TENM3: variants seen among roughly 807,000 people sequenced by gnomAD.
TENM3 encodes the protein teneurin transmembrane protein 3.
TENM3 carries 63 observed loss-of-function variants against 255.1 expected under a neutral mutation model. The observed-to-expected ratio is 0.25, with a 90% CI of 0.20 to 0.30. The LOEUF (loss-of-function observed/expected upper bound fraction) is 0.30, where lower values mean the gene tolerates loss of function less well. TENM3 is among the 10% of genes least tolerant of loss of function. The pLI, the probability that TENM3 is intolerant of heterozygous loss-of-function variation, is 1.00. For synonymous variants in TENM3, 1,306 were observed against 1,322.3 expected (o/e 0.99, Z 0.27); for missense variants, 2,929 against 3,461.1 (o/e 0.85, Z 3.86).
the TENM3 span, among the ~76,000 whole-genome samples, chr4:181,964,991 C>CA: frequency 6.6e-6 from 1 of 152,066 alleles, no homozygotes; most frequent in Admixed American, 6.6e-5. Flanking sequence ...GAAACAGGAA[C>CA]AATGGTTCAG....
chr4:182,172,121 T>G (rs1186304703), intron 1 of TENM3, among the ~76,000 whole-genome samples: 2 of 152,164 alleles, frequency 1.3e-5, no homozygotes, highest in African/African-American at 4.8e-5. Flanking sequence ...TAGCTCTCTG[T>G]GAAATGTCTG....
the TENM3 span, among the ~76,000 whole-genome samples, chr4:182,051,258 G>C: frequency 4.3e-4 from 65 of 151,584 alleles, no homozygotes; most frequent in East Asian, 4.2e-3. Flanking sequence ...CAGGAGAATC[G>C]CTTGAAACTG....
chr4:182,126,549 C>T, the TENM3 span, among the ~76,000 whole-genome samples: 1 of 152,208 alleles, frequency 6.6e-6, no homozygotes, highest in African/African-American at 2.4e-5. Flanking sequence ...TGAAGCAAAA[C>T]ATCTTCAATC....
At chr4:182,614,462 G>A (rs1749288292) in intron 4 of TENM3, among the ~76,000 whole-genome samples, 2 of 152,162 alleles carry the variant, frequency 1.3e-5, no homozygotes, top group South Asian at 4.1e-4. Flanking sequence ...GAAAAATAAT[G>A]AATTTTAGTT....
At chr4:182,156,265 C>T (rs2149600815) in intron 1 of TENM3, among the ~76,000 whole-genome samples, 1 of 152,290 alleles carries the variant, frequency 6.6e-6, no homozygotes, top group South Asian at 2.1e-4. Flanking sequence ...AACAATTTCT[C>T]CAGAACAAGT....
the TENM3 span, among the ~76,000 whole-genome samples, chr4:181,734,960 C>G: frequency 5.6e-4 from 85 of 152,176 alleles, no homozygotes; most frequent in Non-Finnish European, 8.7e-4. Context: ...TAAACACTCT[C>G]AATGTTCTTT....
At chr4:182,790,680 A>C (rs1174624862) in intron 25 of TENM3, among the ~76,000 whole-genome samples, 2 of 152,204 alleles carry the variant, frequency 1.3e-5, no homozygotes, top group Non-Finnish European at 2.9e-5. Flanking sequence ...GTTAGATGAC[A>C]AGCCCCTAAC....
chr4:181,590,217 T>C, the TENM3 span, among the ~76,000 whole-genome samples: 26 of 152,166 alleles, frequency 1.7e-4, no homozygotes, highest in African/African-American at 5.8e-4. Context: ...GAGAAGGTTG[T>C]ACCACTCCAT....
chr4:182,026,427 TGATA>T, the TENM3 span, among the ~76,000 whole-genome samples: 1 of 152,218 alleles, frequency 6.6e-6, no homozygotes, highest in Non-Finnish European at 1.5e-5. Context: ...TTCACTTTAT[TGATA>T]GTTTCCTTTG....
At chr4:181,997,286 G>C in the TENM3 span, among the ~76,000 whole-genome samples, 9 of 152,012 alleles carry the variant, frequency 5.9e-5, no homozygotes, top group African/African-American at 1.2e-4. Context: ...TTTGTAATTC[G>C]GTCCTCAGTA....
chr4:181,594,479 C>G, the TENM3 span, among the ~76,000 whole-genome samples: 1 of 152,102 alleles, frequency 6.6e-6, no homozygotes, highest in African/African-American at 2.4e-5. Context: ...TCTAGGTGTT[C>G]CAAACAAAAC....
the TENM3 span, among the ~76,000 whole-genome samples, chr4:181,824,242 C>T: frequency 6.6e-6 from 1 of 151,124 alleles, no homozygotes; most frequent in African/African-American, 2.4e-5. Flanking sequence ...GCTGAAACTA[C>T]AGGTGTGCAC....
the TENM3 span, among the ~76,000 whole-genome samples, chr4:181,902,929 T>C: frequency 1.3e-5 from 2 of 152,200 alleles, no homozygotes; most frequent in African/African-American, 4.8e-5. Context: ...GTAGCATTCG[T>C]TGTAGAATAT....
the TENM3 span, among the ~76,000 whole-genome samples, chr4:181,813,670 A>G: frequency 6.6e-6 from 1 of 152,194 alleles, no homozygotes; most frequent in African/African-American, 2.4e-5. Context: ...TATTAACCAC[A>G]TTTTCAATGA....
intron 3 of TENM3, among the ~76,000 whole-genome samples, chr4:182,495,135 A>T (rs1653605769): frequency 6.6e-6 from 1 of 152,216 alleles, no homozygotes; most frequent in Admixed American, 6.5e-5. Flanking sequence ...CCTTTAAGAC[A>T]AAAACTTAAT....
chr4:182,430,989 G>A (rs1330482527), intron 3 of TENM3, among the ~76,000 whole-genome samples: 1 of 150,996 alleles, frequency 6.6e-6, no homozygotes, highest in African/African-American at 2.4e-5. Flanking sequence ...TCCAGCCTGG[G>A]TGACACAGCA....
chr4:182,470,394 G>C (rs1733005403), intron 3 of TENM3, among the ~76,000 whole-genome samples: 1 of 152,092 alleles, frequency 6.6e-6, no homozygotes, highest in Admixed American at 6.6e-5. Context: ...TGATAAGAAG[G>C]ACCATCCCGA....
the TENM3 span, among the ~76,000 whole-genome samples, chr4:181,733,372 A>G: frequency 6.6e-6 from 1 of 152,202 alleles, no homozygotes; most frequent in African/African-American, 2.4e-5. Context: ...AAGTTTGTAT[A>G]TCTTTATAAT....
intron 19 of TENM3, among the ~76,000 whole-genome samples, chr4:182,748,373 G>T (rs1762150826): frequency 6.6e-6 from 1 of 152,166 alleles, no homozygotes. Flanking sequence ...CCAGCTGCTG[G>T]CTGCAGCCGG....
Sources: allele counts gnomAD v4.1 joint callset (sites outside exome capture counted in the v4.1 genomes callset), GRCh38; gene constraint gnomAD v4.1.1; transcripts MANE v1.5; gene names NCBI Gene and HGNC (gene_info 2026-07-23, HGNC 2026-07-21).